SERGEF: variants seen among roughly 807,000 people sequenced by gnomAD.
SERGEF encodes secretion-regulating guanine nucleotide exchange factor.
In SERGEF, 51 loss-of-function variants were observed where a neutral mutation model predicts 50.0. The ratio of observed to expected loss-of-function variants is 1.02; its 90% CI spans 0.81 to 1.29. SERGEF has a LOEUF of 1.29. Ranked by LOEUF, SERGEF falls within the 50% of genes most tolerant of loss-of-function variation. The probability of loss-of-function intolerance (pLI) is 0.00; values close to 1 mark genes in which losing one functional copy is unlikely to be tolerated. For synonymous variants in SERGEF, 205 were observed against 212.4 expected (o/e 0.97, Z 0.30); for missense variants, 521 against 557.0 (o/e 0.94, Z 0.65).
chr11:17,872,740 C>G (rs1851165291), intron 10 of SERGEF, among the ~76,000 whole-genome samples: 1 of 152,124 alleles, frequency 6.6e-6, no homozygotes, highest in South Asian at 2.1e-4. Flanking sequence ...CATAAATGTC[C>G]ATGAACAGGT....
intron 8 of SERGEF, among the ~76,000 whole-genome samples, chr11:17,984,825 C>T (rs1853562137): frequency 6.6e-6 from 1 of 152,202 alleles, no homozygotes; most frequent in Non-Finnish European, 1.5e-5. Context: ...CACTTAGTTA[C>T]TGATCATCTG....
intron 9 of SERGEF, among the ~76,000 whole-genome samples, chr11:17,956,377 A>G (rs1852871522): frequency 6.6e-6 from 1 of 152,192 alleles, no homozygotes; most frequent in Non-Finnish European, 1.5e-5. Context: ...ACCCAGGCTC[A>G]CTGTTTACCT....
chr11:17,982,983 T>C (rs1310724593), intron 8 of SERGEF, among the ~76,000 whole-genome samples: 3 of 152,196 alleles, frequency 2.0e-5, no homozygotes, highest in Admixed American at 6.5e-5. Flanking sequence ...AGTTTTTTCA[T>C]TTGCAAAGTG....
intron 10 of SERGEF, among the ~76,000 whole-genome samples, chr11:17,854,491 T>C (rs1850777856): frequency 6.6e-6 from 1 of 152,198 alleles, no homozygotes; most frequent in African/African-American, 2.4e-5. Context: ...CTGCCCATTC[T>C]TCCCCTTCCT....
chr11:17,918,625 G>GACACAC lies in SERGEF; in HGVS notation c.1012-40387_1012-40382dup, dbSNP rs141971282. On this transcript the variant is annotated intron_variant, in intron 9 of 10. Transcript: ENST00000265965. ...CAGTAAGATAAATAAAGCAGGAACA[G>GACACAC]ACACACACACACACACACACACACA... The GACACAC allele has an allele frequency of 7.2e-3, 2,218 of 308,116 alleles. 66 individuals are homozygous for GACACAC. In the East Asian group the frequency reaches 0.11, roughly 16 times the overall value. The allele number at this position is 308,116 out of a possible 1,614,324, so 19.1% of individuals were successfully genotyped here.
chr11:17,966,260 GAAC>G (rs1330688772), intron 8 of SERGEF, among the ~76,000 whole-genome samples: 1 of 152,048 alleles, frequency 6.6e-6, no homozygotes, highest in African/African-American at 2.4e-5. Context: ...TGAGTAAAAG[GAAC>G]AACGGAGAAG....
intron 8 of SERGEF, among the ~76,000 whole-genome samples, chr11:17,961,816 C>G (rs532163025): frequency 1.3e-5 from 2 of 152,316 alleles, no homozygotes; most frequent in East Asian, 3.9e-4. Context: ...CTGAACTTGT[C>G]TATTTCTCCT....
intron 9 of SERGEF, among the ~76,000 whole-genome samples, chr11:17,909,038 G>T (rs1851902392): frequency 6.6e-6 from 1 of 152,114 alleles, no homozygotes; most frequent in Admixed American, 6.5e-5. Flanking sequence ...AAAAACCTGG[G>T]GCTAAAGCCA....
intron 10 of SERGEF, among the ~76,000 whole-genome samples, chr11:17,844,515 G>T (rs1489761795): frequency 6.6e-5 from 10 of 152,130 alleles, no homozygotes; most frequent in Admixed American, 3.3e-4. Context: ...AATTAATCAA[G>T]GATAGTGCTT....
At chr11:17,841,352 G>A (rs1850498584) in intron 10 of SERGEF, among the ~76,000 whole-genome samples, 1 of 152,188 alleles carries the variant, frequency 6.6e-6, no homozygotes, top group Non-Finnish European at 1.5e-5. Flanking sequence ...GAATGGCAGG[G>A]CCATTCCCAC....
chr11:17,971,158 C>G lies in SERGEF; in HGVS notation c.845-11522G>C, dbSNP rs1853241452. Among the ~76,000 whole-genome samples, 3 of 152,018 alleles carry G rather than the reference C, an allele frequency of 2.0e-5. No homozygotes were observed. In the South Asian group the frequency reaches 6.3e-4, roughly 32 times the overall value. On this transcript the variant is annotated intron_variant, in intron 8 of 10. Coordinates refer to ENST00000265965, the MANE Select transcript of SERGEF (RefSeq NM_012139.4). The stretch of plus-strand genomic sequence containing the variant: ...GCAGTAAGCCAAGATCACACCACTG[C>G]ACTCCAGGCTGGGCGACGCAGCGAG...
intron 8 of SERGEF, among the ~76,000 whole-genome samples, chr11:17,963,518 G>T (rs1490591647): frequency 6.6e-6 from 1 of 151,674 alleles, no homozygotes; most frequent in African/African-American, 2.4e-5. Flanking sequence ...CTCCTGAGTA[G>T]CTGGGAGTAC....
intron 4 of SERGEF, among the ~76,000 whole-genome samples, chr11:18,002,474 C>G (rs1470969780): frequency 1.3e-5 from 2 of 152,210 alleles, no homozygotes; most frequent in African/African-American, 4.8e-5. Flanking sequence ...CCCAAACTCT[C>G]CTGTTTCATT....
intron 10 of SERGEF, among the ~76,000 whole-genome samples, chr11:17,862,599 C>A (rs146046370): frequency 0.011 from 1,693 of 152,252 alleles, 14 homozygotes; most frequent in Non-Finnish European, 0.017. Context: ...TTTAGGTGCA[C>A]CAAGGAGGAA....
chr11:17,994,241 G>A (rs1336940661), intron 6 of SERGEF, among the ~76,000 whole-genome samples: 2 of 152,082 alleles, frequency 1.3e-5, no homozygotes, highest in South Asian at 2.1e-4. Flanking sequence ...TTGGGAGGCC[G>A]AGACGGGTGG....
chr11:17,896,760 G>T (rs1483386902), intron 9 of SERGEF, among the ~76,000 whole-genome samples: 32 of 60,042 alleles, frequency 5.3e-4, no homozygotes, highest in Non-Finnish European at 3.8e-4. Context: ...AAGGGTAAGG[G>T]AAGGGAAGGG....
At chr11:18,011,053 AAATTT>A (rs765298687) in intron 1 of SERGEF, among the ~76,000 whole-genome samples, 3 of 152,074 alleles carry the variant, frequency 2.0e-5, no homozygotes, top group Non-Finnish European at 4.4e-5. Context: ...AGACGAAGGG[AAATTT>A]AACACAACCT....
intron 9 of SERGEF, chr11:17,918,625 GACAC>G (rs141971282): frequency 5.5e-3 from 1,686 of 306,620 alleles, no homozygotes; most frequent in South Asian, 0.012. Flanking sequence ...AGCAGGAACA[GACAC>G]ACACACACAC....
intron 10 of SERGEF, among the ~76,000 whole-genome samples, chr11:17,796,009 G>T (rs1849566788): frequency 6.6e-6 from 1 of 152,116 alleles, no homozygotes; most frequent in South Asian, 2.1e-4. Context: ...TTAACATAAA[G>T]TTATGCAAAG....
Sources: allele counts gnomAD v4.1 joint callset (sites outside exome capture counted in the v4.1 genomes callset), GRCh38; gene constraint gnomAD v4.1.1; transcripts MANE v1.5; gene names NCBI Gene and HGNC (gene_info 2026-07-23, HGNC 2026-07-21).